The following WWOX variants were observed in gnomAD, a reference collection of about 807,000 sequenced individuals.
WWOX encodes WW domain-containing oxidoreductase.
Under a neutral mutation model 46.2 loss-of-function variants are expected in WWOX, and 69 were observed. The ratio of observed to expected loss-of-function variants is 1.49; its 90% CI spans 1.23 to 1.82. The LOEUF (loss-of-function observed/expected upper bound fraction) is 1.82, where lower values mean the gene tolerates loss of function less well. Ranked by LOEUF, WWOX falls within the 40% of genes most tolerant of loss-of-function variation. The pLI is 0.00. For synonymous variants in WWOX, 359 were observed against 202.6 expected, an observed-to-expected ratio of 1.77 and a Z score of -6.56; for missense variants, 919 against 542.6, an observed-to-expected ratio of 1.69 and a Z score of -6.89.
At chr16:78,897,924 C>G (rs1411400600) in intron 8 of WWOX, 1 of 152,038 alleles carries the variant, frequency 6.6e-6, no homozygotes, top group East Asian at 1.9e-4. Context: ...GTGACTAATG[C>G]CTCTTTTTAT....
intron 8 of WWOX, among the ~76,000 whole-genome samples, chr16:78,854,945 A>G (rs1330153401): frequency 5.6e-5 from 8 of 143,994 alleles, no homozygotes; most frequent in African/African-American, 2.1e-4. Context: ...AAAATGGGTT[A>G]TGTGTTTTAT....
chr16:79,207,196 A>G (rs1264892999), intron 8 of WWOX, among the ~76,000 whole-genome samples: 1 of 152,224 alleles, frequency 6.6e-6, no homozygotes, highest in African/African-American at 2.4e-5. Flanking sequence ...CTCTCTGATA[A>G]ATGATTCTGT....
intron 8 of WWOX, among the ~76,000 whole-genome samples, chr16:78,938,405 C>G (rs1303160617): frequency 6.6e-6 from 1 of 151,894 alleles, no homozygotes; most frequent in Non-Finnish European, 1.5e-5. Context: ...TGCAGAGGCC[C>G]AGACACAGAG....
chr16:78,963,368 C>T (rs1047229054), intron 8 of WWOX, among the ~76,000 whole-genome samples: 2 of 152,116 alleles, frequency 1.3e-5, no homozygotes, highest in Non-Finnish European at 1.5e-5. Context: ...ACTTGGGCAG[C>T]TGAGGCAGGA....
At chr16:78,860,519 C>G (rs978134151) in intron 8 of WWOX, among the ~76,000 whole-genome samples, 2 of 152,084 alleles carry the variant, frequency 1.3e-5, no homozygotes, top group Non-Finnish European at 2.9e-5. Context: ...AAAAATGGAC[C>G]TCTTATCATG....
intron 8 of WWOX, among the ~76,000 whole-genome samples, chr16:79,143,010 C>T (rs1241266385): frequency 1.3e-5 from 2 of 151,884 alleles, no homozygotes; most frequent in African/African-American, 4.8e-5. Flanking sequence ...AGCCATTTAT[C>T]TGTTTTTTAA....
intron 8 of WWOX, among the ~76,000 whole-genome samples, chr16:79,176,483 C>G (rs1307822909): frequency 6.6e-6 from 1 of 152,228 alleles, no homozygotes; most frequent in Non-Finnish European, 1.5e-5. Context: ...CAGTCTGTCA[C>G]AGGAGCTACT....
intron 8 of WWOX, among the ~76,000 whole-genome samples, chr16:78,768,167 G>C (rs1057483784): frequency 1.3e-5 from 2 of 148,946 alleles, no homozygotes; most frequent in African/African-American, 4.9e-5. Context: ...CGGGGGGGTC[G>C]GTTATTTTAT....
At chr16:78,584,298 G>A (rs1290857363) in intron 8 of WWOX, among the ~76,000 whole-genome samples, 1 of 152,194 alleles carries the variant, frequency 6.6e-6, no homozygotes, top group African/African-American at 2.4e-5. Context: ...ATGGAGTCAT[G>A]AGTCAAAGAT....
At chr16:78,988,095 C>T (rs959335170) in intron 8 of WWOX, among the ~76,000 whole-genome samples, 2 of 152,048 alleles carry the variant, frequency 1.3e-5, no homozygotes, top group Non-Finnish European at 2.9e-5. Flanking sequence ...GTAATACCAG[C>T]AGTTTGGGAG....
At chr16:78,920,222 A>G (rs150645850) in intron 8 of WWOX, among the ~76,000 whole-genome samples, 1 of 152,310 alleles carries the variant, frequency 6.6e-6, no homozygotes, top group East Asian at 1.9e-4. Flanking sequence ...AGAAAAGACA[A>G]GTTCTTAAAG....
chr16:78,374,982 G>C (rs1291218172), intron 5 of WWOX, among the ~76,000 whole-genome samples: 1 of 152,100 alleles, frequency 6.6e-6, no homozygotes, highest in East Asian at 1.9e-4. Context: ...CACTGCGCCT[G>C]TCTACATTTT....
chr16:78,895,840 C>G (rs146795695), intron 8 of WWOX: 2 of 152,108 alleles, frequency 1.3e-5, no homozygotes, highest in Non-Finnish European at 2.9e-5. Flanking sequence ...TATATAAAGT[C>G]GAGTGCTCTC....
chr16:78,268,259 A>G (rs943695827), intron 5 of WWOX, among the ~76,000 whole-genome samples: 2 of 152,182 alleles, frequency 1.3e-5, no homozygotes, highest in East Asian at 1.9e-4. Context: ...GTAGCATTCT[A>G]TTTTTCCCCA....
At position 79,062,086 on chromosome 16, in the gene WWOX, C is replaced by T. The variant is rs74435032; in HGVS notation, c.1057-149522C>T. Among the ~76,000 whole-genome samples, 506 of 152,248 alleles carry T rather than the reference C, an allele frequency of 3.3e-3. 32 individuals carry two copies. The East Asian group carries it at 0.071, about 21-fold the overall frequency. On this transcript the variant is annotated intron_variant, in intron 8 of 8. Coordinates refer to ENST00000566780, the MANE Select transcript of WWOX (RefSeq NM_016373.4). ...AGCTAGAAGATGCAAGGGTGAAATA[C>T]ACCTCCCCACCCCACGTGATCTCAT...
intron 8 of WWOX, among the ~76,000 whole-genome samples, chr16:78,952,014 C>G (rs1006647586): frequency 1.1e-4 from 17 of 152,154 alleles, no homozygotes; most frequent in African/African-American, 3.9e-4. Context: ...CTCAGATAAA[C>G]CACAGCAATG....
chr16:78,967,370 G>T (rs1219828886), intron 8 of WWOX, among the ~76,000 whole-genome samples: 1 of 129,698 alleles, frequency 7.7e-6, no homozygotes, highest in Non-Finnish European at 1.6e-5. Context: ...GCTCACTGCA[G>T]CCTCCCGGGC....
chr16:78,824,156 C>T (rs552725679), intron 8 of WWOX, among the ~76,000 whole-genome samples: 35 of 152,096 alleles, frequency 2.3e-4, no homozygotes, highest in African/African-American at 6.7e-4. Flanking sequence ...TGATTTTAAA[C>T]GATCTTTAGA....
chr16:78,492,528 A>G (rs528602411), intron 8 of WWOX, among the ~76,000 whole-genome samples: 2 of 152,282 alleles, frequency 1.3e-5, no homozygotes, highest in Admixed American at 1.3e-4. Context: ...GGACCATAAC[A>G]GCGAGCAGGA....
Sources: gnomAD v4.1 joint callset for allele counts (sites outside exome capture counted in the v4.1 genomes callset) on GRCh38, gnomAD v4.1.1 for gene constraint, MANE v1.5 for transcripts, NCBI Gene and HGNC (gene_info 2026-07-23, HGNC 2026-07-21) for gene names.